The following ESRRG variants were observed in gnomAD, a reference collection of about 807,000 sequenced individuals.
ESRRG encodes the protein estrogen related receptor gamma.
ESRRG carries 13 observed loss-of-function variants against 44.0 expected under a neutral mutation model. The observed-to-expected ratio is 0.30, with a 90% CI of 0.19 to 0.47. The LOEUF (loss-of-function observed/expected upper bound fraction) is 0.47. Among genes scored for constraint, ESRRG ranks in the 20% least tolerant of loss-of-function variants. The pLI is 1.00. For synonymous variants in ESRRG, 215 were observed against 214.6 expected (o/e 1.00, Z -0.02); for missense variants, 395 against 580.6 (o/e 0.68, Z 3.29).
intron 2 of ESRRG, among the ~76,000 whole-genome samples, chr1:216,775,464 T>C (rs374087167): frequency 1.3e-4 from 19 of 151,660 alleles, no homozygotes; most frequent in African/African-American, 4.4e-4. Flanking sequence ...TTCCTGTGTT[T>C]CTCATGTTGG....
intron 2 of ESRRG, among the ~76,000 whole-genome samples, chr1:216,736,374 G>A (rs942826157): frequency 2.6e-5 from 4 of 151,772 alleles, no homozygotes; most frequent in African/African-American, 9.7e-5. Context: ...TAGTAGAGAC[G>A]GGGTTTCACC....
chr1:216,756,527 T>C (rs1350179579), intron 2 of ESRRG, among the ~76,000 whole-genome samples: 1 of 151,996 alleles, frequency 6.6e-6, no homozygotes, highest in African/African-American at 2.4e-5. Context: ...TTTTCTCTCT[T>C]TGACAGATAT....
At chr1:216,709,690 G>C (rs1430894573) in intron 1 of ESRRG, among the ~76,000 whole-genome samples, 2 of 141,130 alleles carry the variant, frequency 1.4e-5, no homozygotes, top group East Asian at 2.2e-4. Flanking sequence ...AGGTAGTGCT[G>C]ATTTAAAAAA....
chr1:216,827,166 T>G (rs1357710077), intron 2 of ESRRG, among the ~76,000 whole-genome samples: 1 of 152,228 alleles, frequency 6.6e-6, no homozygotes, highest in African/African-American at 2.4e-5. Context: ...TCTCCAGGTT[T>G]TTTATTCTTA....
chr1:216,888,185 G>A (rs1365540144), intron 2 of ESRRG, among the ~76,000 whole-genome samples: 1 of 152,038 alleles, frequency 6.6e-6, no homozygotes, highest in Non-Finnish European at 1.5e-5. Context: ...CTCTTATTAA[G>A]ACCGACAGTC....
intron 5 of ESRRG, among the ~76,000 whole-genome samples, chr1:216,545,983 A>G (rs909917866): frequency 6.6e-6 from 1 of 152,062 alleles, no homozygotes; most frequent in Non-Finnish European, 1.5e-5. Context: ...AAACTATCCT[A>G]CTTATGTATT....
intron 3 of ESRRG, among the ~76,000 whole-genome samples, chr1:216,602,419 T>C (rs1265614760): frequency 1.3e-5 from 2 of 152,184 alleles, no homozygotes; most frequent in Non-Finnish European, 2.9e-5. Flanking sequence ...CCAAGTATAA[T>C]CTGTTTCTTT....
intron 1 of ESRRG, among the ~76,000 whole-genome samples, chr1:216,966,589 G>A (rs931365222): frequency 6.6e-6 from 1 of 152,136 alleles, no homozygotes; most frequent in East Asian, 1.9e-4. Flanking sequence ...GCATCTCCCA[G>A]GATGGCCTTC....
intron 5 of ESRRG, among the ~76,000 whole-genome samples, chr1:216,543,954 G>A (rs958168906): frequency 2.0e-5 from 3 of 152,010 alleles, no homozygotes; most frequent in Admixed American, 6.6e-5. Flanking sequence ...CATATGTGTT[G>A]TAAAATGTGA....
chr1:217,093,553 C>A (rs545230571), upstream of ESRRG, among the ~76,000 whole-genome samples: 1 of 151,982 alleles, frequency 6.6e-6, no homozygotes, highest in Non-Finnish European at 1.5e-5. Context: ...GAGGCCAAGG[C>A]GGGAGGATCG....
At chr1:217,029,902 C>T (rs928529613) in intron 1 of ESRRG, among the ~76,000 whole-genome samples, 5 of 152,144 alleles carry the variant, frequency 3.3e-5, no homozygotes, top group Non-Finnish European at 7.3e-5. Context: ...AGCAATGAAA[C>T]GCTCTTTCTT....
chr1:216,677,299 A>G lies in ESRRG; in HGVS notation c.249T>C (p.Pro83=), dbSNP rs3765578. ...NGHQNGLDSP[P]LYPSAPILGG... ...CCAGGATAGGAGCAGAAGGGTAGAG[A>G]GGTGGCGAGTCAAGTCCGTTCTGAT... The change falls in exon 2 of 7, where the codon CCT becomes CCC. Residue 83 remains proline (P), a synonymous_variant. Coordinates refer to ENST00000408911, the MANE Select transcript of ESRRG (RefSeq NM_001438.4). The G allele has an allele frequency of 5.0e-5, 81 of 1,614,134 alleles. 1 individual carries two copies. In the East Asian group the frequency reaches 1.8e-3, roughly 36 times the overall value.
intron 5 of ESRRG, among the ~76,000 whole-genome samples, chr1:216,552,081 C>A (rs2056491397): frequency 6.6e-6 from 1 of 152,104 alleles, no homozygotes. Context: ...TAACAAATAA[C>A]ATAGGCCTAT....
chr1:216,595,597 T>C (rs1161126079), intron 3 of ESRRG, among the ~76,000 whole-genome samples: 2 of 152,252 alleles, frequency 1.3e-5, no homozygotes, highest in African/African-American at 4.8e-5. Context: ...ATTTCTATTA[T>C]GCTTTTAGCA....
chr1:216,874,701 G>C (rs1168092465), intron 2 of ESRRG, among the ~76,000 whole-genome samples: 1 of 152,206 alleles, frequency 6.6e-6, no homozygotes, highest in Non-Finnish European at 1.5e-5. Flanking sequence ...GGGTGTGTCT[G>C]TGAGGGTGTT....
At chr1:216,643,397 C>T (rs1460644714) in intron 3 of ESRRG, among the ~76,000 whole-genome samples, 2 of 152,194 alleles carry the variant, frequency 1.3e-5, no homozygotes, top group Non-Finnish European at 2.9e-5. Context: ...CCTACCATTT[C>T]TTCCACCCAA....
intron 1 of ESRRG, among the ~76,000 whole-genome samples, chr1:216,975,245 GTTCTAT>G (rs1286056485): frequency 2.6e-5 from 4 of 152,160 alleles, no homozygotes; most frequent in Non-Finnish European, 4.4e-5. Flanking sequence ...AACAACCATT[GTTCTAT>G]TTCACATAGT....
intron 5 of ESRRG, among the ~76,000 whole-genome samples, chr1:216,562,658 C>T (rs2058995907): frequency 1.3e-5 from 2 of 151,982 alleles, no homozygotes; most frequent in South Asian, 2.1e-4. Flanking sequence ...ACAATTATCT[C>T]GTCCCAAATA....
At chr1:216,772,085 C>G (rs1351930570) in intron 2 of ESRRG, among the ~76,000 whole-genome samples, 1 of 152,042 alleles carries the variant, frequency 6.6e-6, no homozygotes. Context: ...AGGATCCAGA[C>G]AGGTACCCGA....
Sources: gnomAD v4.1 joint callset for allele counts (sites outside exome capture counted in the v4.1 genomes callset) on GRCh38, gnomAD v4.1.1 for gene constraint, MANE v1.5 for transcripts, NCBI Gene and HGNC (gene_info 2026-07-23, HGNC 2026-07-21) for gene names.